Variants in NEB observed in about 807,000 individuals in gnomAD.
The protein encoded by NEB is nebulin.
NEB carries 512 observed loss-of-function variants against 952.2 expected under a neutral mutation model. The ratio of observed to expected loss-of-function variants is 0.54; its 90% CI spans 0.50 to 0.58. NEB has a LOEUF of 0.58. NEB is among the 20% of genes least tolerant of loss of function. NEB has a pLI of 0.00. For synonymous variants in NEB, 2,900 were observed against 3,149.8 expected (o/e 0.92, Z 2.66); for missense variants, 8,428 against 9,231.1 (o/e 0.91, Z 3.56).
Position 151,490,466 on chromosome 2 carries a change from G to A in NEB, c.25203C>T (p.Ser8401=), listed in dbSNP as rs757715342. The part of the protein sequence containing the change: ...REQSRSASAL[S]ISGGEEKSEH... ...CAGACTTCTCCTCACCCCCACTGAT[G>A]CTTAGTGCACTGGCAGATCGTGACT... is the stretch of plus-strand genomic sequence containing the variant. The change falls in exon 180 of 182, where the codon AGC becomes AGT. Residue 8401 remains serine (S), a synonymous_variant. Coordinates refer to ENST00000397345, the MANE Select transcript of NEB (RefSeq NM_001164508.2). 163 of 1,608,338 alleles carry A rather than the reference G, an allele frequency of 1.0e-4. No homozygotes were observed. Among genetic ancestry groups the A allele is most frequent in the Non-Finnish European group, 1.2e-4 (147 of 1,177,508 alleles).
At position 151,625,332 on chromosome 2, in the gene NEB, GTCTA is replaced by G. The variant is rs1188171737; in HGVS notation, c.10452+198_10452+201del. On this transcript the variant is annotated intron_variant, in intron 71 of 181. Coordinates refer to ENST00000397345, the MANE Select transcript of NEB (RefSeq NM_001164508.2). ...AATGAAGATATTTTTGTGTCTGTCT[GTCTA>G]TCTGTCTGTCTAATCTATCTACCTT... Among the ~76,000 whole-genome samples, 726 of 151,678 alleles carry G rather than the reference GTCTA, an allele frequency of 4.8e-3. 4 individuals are homozygous for G. Among genetic ancestry groups the G allele is most frequent in the African/African-American group, 0.017 (681 of 41,130 alleles).
intron 77 of NEB, among the ~76,000 whole-genome samples, chr2:151,613,325 A>G (rs2098080051): frequency 6.6e-6 from 1 of 152,252 alleles, no homozygotes; most frequent in South Asian, 2.1e-4. Context: ...CAAAAGTTAC[A>G]ATAGATACTT....
chr2:151,510,213 A>G (rs1290031717), intron 161 of NEB, among the ~76,000 whole-genome samples: 1 of 152,158 alleles, frequency 6.6e-6, no homozygotes, highest in African/African-American at 2.4e-5. Flanking sequence ...TCAGACCCCC[A>G]ATAAACTTGT....
Position 151,630,834 on chromosome 2 carries a change from A to G in NEB, c.9619-15T>C. 2 of 1,550,158 alleles carry G rather than the reference A, an allele frequency of 1.3e-6. No homozygotes were observed. Among genetic ancestry groups the G allele is most frequent in the South Asian group, 1.2e-5 (1 of 83,384 alleles). On this transcript the variant is annotated splice_polypyrimidine_tract_variant and intron_variant, in intron 66 of 181. Coordinates refer to ENST00000397345, the MANE Select transcript of NEB (RefSeq NM_001164508.2). The stretch of plus-strand genomic sequence containing the variant: ...GTGTATAAACGCTATAAAAGAAGAT[A>G]AGATGCTGATTAAAAATCATTTGAA...
At chr2:151,525,835 T>C in intron 150 of NEB, 123 bp downstream of exon 150, 4 of 803,736 alleles carry the variant, frequency 5.0e-6, no homozygotes, top group Non-Finnish European at 6.7e-6. Flanking sequence ...AAGATTCACA[T>C]GTAGATATTG....
intron 142 of NEB, chr2:151,534,343 A>G: frequency 1.3e-6 from 2 of 1,589,264 alleles, no homozygotes; most frequent in Non-Finnish European, 1.7e-6. Flanking sequence ...ATAGCATATT[A>G]TAGCAAGAGT....
chr2:151,617,472 CAAAAAAA>C lies in NEB; in HGVS notation c.11077-11_11077-5del. On this transcript the variant is annotated splice_region_variant and splice_polypyrimidine_tract_variant and intron_variant, in intron 74 of 181. Transcript: ENST00000397345. Reference sequence around the variant, plus strand: ...CCCAGGCTTCAGTATATAAGCGCTACAAAAAAAAAAAAAAAAGAGAGAGAGAGAGAGA... The same window carrying C: ...CCCAGGCTTCAGTATATAAGCGCTACAAAAAAAAAGAGAGAGAGAGAGAGA... 1.2e-6 allele frequency: 1 copy of C among 814,134 alleles called. No individual in the cohort carries two copies. The highest frequency in any genetic ancestry group is 2.5e-5 in the South Asian group (1 of 39,376). 50.4% of individuals were successfully genotyped at this position (814,134 alleles called of 1,614,324 possible).
chr2:151,706,028 C>T (rs778970532), intron 13 of NEB, among the ~76,000 whole-genome samples: 2 of 152,148 alleles, frequency 1.3e-5, no homozygotes, highest in African/African-American at 2.4e-5. Context: ...AAGAACTTTT[C>T]CATGTAACCA....
chr2:151,535,660 G>T, intron 142 of NEB, 31 bp downstream of exon 142: 2 of 1,376,110 alleles, frequency 1.5e-6, no homozygotes, highest in Non-Finnish European at 1.0e-6. Context: ...GAATTGAATA[G>T]GCTTAATTGG....
At chr2:151,640,329 A>C in intron 61 of NEB, 26 bp downstream of exon 61, 1 of 1,606,872 alleles carries the variant, frequency 6.2e-7, no homozygotes, top group Middle Eastern at 1.7e-4. Flanking sequence ...CCACCTCTGC[A>C]CGTTATTATG....
In NEB at chr2:151,627,019, C is replaced by T. The variant is rs2098539898; in HGVS notation, c.10330G>A (p.Ala3444Thr). The T allele has an allele frequency of 2.5e-6, 4 of 1,613,910 alleles. No homozygotes were observed. The highest frequency in any genetic ancestry group is 3.3e-4 in the Middle Eastern group (2 of 6,060). Residue 3444 changes from alanine to threonine, a missense_variant, in exon 70 of 182, where the codon GCT becomes ACT. Physicochemically the swap from Ala to Thr is moderately conservative, Grantham distance 58. Transcript: ENST00000397345. ...GGGCTCACCTTGTTCATATTGAGAG[C>T]ATTGTTCTTGGCCAGCACCTGCTCT... ...SLEQVLAKNNALNMNKRLYTE... is the reference protein window; with the variant it reads ...SLEQVLAKNNTLNMNKRLYTE...
chr2:151,561,192 G>C lies in NEB; in HGVS notation c.19101+16C>G. ...GAAATAGTTTGTCCCTGGAAGAGGA[G>C]TACAGGAAGACGCACCTCACTGGCA... On this transcript the variant is annotated intron_variant, in intron 122 of 181. Coordinates refer to ENST00000397345, the MANE Select transcript of NEB (RefSeq NM_001164508.2). 6.3e-7 allele frequency: 1 copy of C among 1,594,256 alleles called. No individual in the cohort carries two copies. Among genetic ancestry groups the C allele is most frequent in the Non-Finnish European group, 8.6e-7 (1 of 1,166,148 alleles).
In NEB at chr2:151,562,144, A is replaced by T; in HGVS notation, c.18962T>A (p.Leu6321His). 1.2e-6 allele frequency: 2 copies of T among 1,613,598 alleles called. No individual in the cohort carries two copies. The highest frequency in any genetic ancestry group is 8.5e-7 in the Non-Finnish European group (1 of 1,179,602). Residue 6321 changes from leucine (L) to histidine (H), a missense_variant, in exon 121 of 182, where the codon CTC becomes CAC. By Grantham distance (99) the Leu-to-His change is moderately conservative. Coordinates refer to ENST00000397345, the MANE Select transcript of NEB (RefSeq NM_001164508.2). ...GCYVWDTPQI[L>H]HAKKSYDLQS... ...AAGGTCGTATGATTTCTTGGCATGG[A>T]GGATTTGGGGTGTATCCCAAACGTA...
At chr2:151,576,514 ATATTTTTTTTTTTTTTTTTTT>A (rs1378429305) in intron 105 of NEB, among the ~76,000 whole-genome samples, 160 bp from the exon 106 acceptor site, 4 of 26,224 alleles carry the variant, frequency 1.5e-4, no homozygotes, top group Non-Finnish European at 1.8e-4. Context: ...ATATATATAT[ATATTTTTTTTTTTTTTTTTTT>A]TTTTTTTTTT....
At chr2:151,674,403 T>G (rs2154197796) in intron 36 of NEB, 74 bp downstream of exon 36, 1 of 1,090,918 alleles carries the variant, frequency 9.2e-7, no homozygotes. Flanking sequence ...TTCAATAAGG[T>G]ATCAATTTAA....
chr2:151,614,218 C>T, intron 77 of NEB, 58 bp downstream of exon 77: 2 of 1,573,836 alleles, frequency 1.3e-6, no homozygotes, highest in Non-Finnish European at 1.7e-6. Context: ...GATTCCATGG[C>T]ACAAAAGAGT....
chr2:151,690,971 G>C (rs564744440), intron 23 of NEB, 146 bp from the exon 24 acceptor site: 286 of 597,856 alleles, frequency 4.8e-4, no homozygotes, highest in South Asian at 4.1e-3. Flanking sequence ...TTCTCTGTCT[G>C]TCTCTCTCTC....
chr2:151,670,700 T>C lies in NEB; in HGVS notation c.4506+323A>G, dbSNP rs1361436675. On this transcript the variant is annotated intron_variant, in intron 38 of 181. Transcript: ENST00000397345. ...CAACCAAGAGCAATAAATAGCTTGT[T>C]TTGCAATTCATACAGAGCCACAGAT... is the stretch of plus-strand genomic sequence containing the variant. Among the ~76,000 whole-genome samples, 4 of 152,352 alleles carry C rather than the reference T, an allele frequency of 2.6e-5. No individual in the cohort carries two copies. In the East Asian group the frequency reaches 7.7e-4, roughly 29 times the overall value.
chr2:151,570,071 GCC>G lies in NEB; in HGVS notation c.17430+8_17430+9del, dbSNP rs764902371. On this transcript the variant is annotated splice_region_variant and intron_variant, in intron 109 of 181. Transcript: ENST00000397345. ...AGAAAAGAGTTCAACCCCAAATGCA[GCC>G]CACTCACATCGCTCTGCAGTTCGTA... is the stretch of plus-strand genomic sequence containing the variant. The G allele has an allele frequency of 5.0e-6, 8 of 1,597,220 alleles. No homozygotes were observed. The highest frequency in any genetic ancestry group is 1.1e-5 in the South Asian group (1 of 88,244).
Sources: gnomAD v4.1 joint callset for allele counts (sites outside exome capture counted in the v4.1 genomes callset) on GRCh38, gnomAD v4.1.1 for gene constraint, MANE v1.5 for transcripts, NCBI Gene and HGNC (gene_info 2026-07-23, HGNC 2026-07-21) for gene names.